ACSF3: variants seen among roughly 807,000 people sequenced by gnomAD.
The protein encoded by ACSF3 is malonate--CoA ligase ACSF3, mitochondrial.
ACSF3 carries 78 observed loss-of-function variants against 53.2 expected under a neutral mutation model. The observed-to-expected ratio is 1.47, with a 90% confidence interval of 1.22 to 1.77. The LOEUF (loss-of-function observed/expected upper bound fraction) is 1.77. Ranked by LOEUF, ACSF3 falls within the 40% of genes most tolerant of loss-of-function variation. The pLI is 0.00. For synonymous variants in ACSF3, 414 were observed against 333.1 expected, an observed-to-expected ratio of 1.24 and a Z score of -2.65; for missense variants, 937 against 771.1, an observed-to-expected ratio of 1.22 and a Z score of -2.55.
chr16:89,101,053 C>G lies in ACSF3; in HGVS notation c.372C>G (p.Pro124=). Residue 124 remains proline, a synonymous_variant, in exon 3 of 11, where the codon CCC becomes CCG. Transcript: ENST00000614302. The part of the protein sequence containing the change: ...ASWMSGGVAV[P]LYRKHPAAQL... ...GGATGAGTGGCGGTGTGGCAGTCCC[C>G]CTCTACAGGAAGCATCCCGCGGCCC... The G allele has an allele frequency of 6.2e-7, 1 of 1,614,012 alleles. No individual in the cohort carries two copies. Among genetic ancestry groups the G allele is most frequent in the Non-Finnish European group, 8.5e-7 (1 of 1,179,958 alleles).
At chr16:89,144,719 C>A (rs1388777168) in intron 8 of ACSF3, among the ~76,000 whole-genome samples, 2 of 152,206 alleles carry the variant, frequency 1.3e-5, no homozygotes, top group Non-Finnish European at 1.5e-5. Flanking sequence ...CGTCTGGGGG[C>A]CCTTGCAGCA....
intron 8 of ACSF3, among the ~76,000 whole-genome samples, chr16:89,134,648 G>C (rs911952084): frequency 6.6e-6 from 1 of 152,210 alleles, no homozygotes; most frequent in African/African-American, 2.4e-5. Flanking sequence ...GCCGTTGCCA[G>C]GTTTATATCC....
rs775166866 is a variant in ACSF3 at position 89,101,188 on chromosome 16, G to A, written c.507G>A (p.Pro169=). ...VVRKLGVPLL[P]LTPAIYTGAV... is the part of the protein sequence containing the mutation. The stretch of plus-strand genomic sequence containing the variant: ...GGAAGCTGGGGGTCCCGCTGCTGCC[G>A]CTCACACCAGCCATCTACACTGGAG... The change falls in exon 3 of 11, where the codon CCG becomes CCA. Residue 169 remains proline (P), a synonymous_variant. Coordinates refer to ENST00000614302, the MANE Select transcript of ACSF3 (RefSeq NM_001243279.3). 3 of 1,608,786 alleles carry A rather than the reference G, an allele frequency of 1.9e-6. No homozygotes were observed. The highest frequency in any genetic ancestry group is 2.2e-5 in the East Asian group (1 of 44,730).
intron 1 of ACSF3, 95 bp downstream of exon 1, chr16:89,094,091 T>C (rs1240293972): frequency 2.0e-5 from 3 of 151,072 alleles, no homozygotes; most frequent in South Asian, 4.1e-4. Context: ...GGGTCGCAGC[T>C]GGGCTTGAGC....
At chr16:89,111,357 G>GGGCTGGACTGT (rs1242734388) in intron 4 of ACSF3, among the ~76,000 whole-genome samples, 3 of 152,272 alleles carry the variant, frequency 2.0e-5, no homozygotes, top group African/African-American at 7.2e-5. Flanking sequence ...AGATGGGCTG[G>GGGCTGGACTGT]GGCTGGACTG....
At chr16:89,154,013 C>A in intron 10 of ACSF3, 77 bp from the exon 11 acceptor site, 1 of 1,468,984 alleles carries the variant, frequency 6.8e-7, no homozygotes, top group Non-Finnish European at 9.4e-7. Flanking sequence ...GGCACCTGTC[C>A]GTACTGCTGG....
chr16:89,105,830 C>T (rs550862209), intron 4 of ACSF3, among the ~76,000 whole-genome samples: 34 of 152,238 alleles, frequency 2.2e-4, no homozygotes, highest in Non-Finnish European at 3.2e-4. Context: ...TCCATCGTCC[C>T]GGAGGGCAGG....
intron 8 of ACSF3, among the ~76,000 whole-genome samples, chr16:89,142,567 A>G (rs1211032758): frequency 8.6e-6 from 1 of 116,174 alleles, no homozygotes; most frequent in Non-Finnish European, 1.8e-5. Flanking sequence ...CCACACCTGC[A>G]GACACACCCA....
intron 1 of ACSF3, chr16:89,095,263 C>T (rs1038948230): frequency 3.9e-5 from 6 of 152,158 alleles, no homozygotes; most frequent in African/African-American, 1.4e-4. Flanking sequence ...CTCCTCAAGG[C>T]AGACAGAAAT....
chr16:89,112,175 G>T lies in ACSF3; in HGVS notation c.906G>T (p.Glu302Asp), dbSNP rs1976765433. 6.9e-6 allele frequency: 9 copies of T among 1,312,860 alleles called. No individual in the cohort carries two copies. The highest frequency in any genetic ancestry group is 8.9e-6 in the Non-Finnish European group (9 of 1,014,024). 81.3% of individuals were successfully genotyped at this position (1,312,860 alleles called of 1,614,324 possible). Residue 302 changes from glutamate to aspartate, a missense_variant, in exon 5 of 11, where the codon GAG (glutamate) becomes GAT (aspartate). Transcript: ENST00000614302. Reference protein sequence around the residue: ...AVPTIYTKLMEYYDRHFTQPH... With the variant: ...AVPTIYTKLMDYYDRHFTQPH... ...CTACAATATACACCAAGCTGATGGAGTACTACGACAGGCATTTTACCCAGC... is the reference window on the plus strand; with the variant it reads ...CTACAATATACACCAAGCTGATGGATTACTACGACAGGCATTTTACCCAGC...
At chr16:89,118,677 G>A (rs559896819) in intron 6 of ACSF3, among the ~76,000 whole-genome samples, 13 of 152,222 alleles carry the variant, frequency 8.5e-5, no homozygotes, top group Admixed American at 2.6e-4. Context: ...GCTGGGCCTC[G>A]TCACACTCTA....
At chr16:89,100,616 G>C in intron 2 of ACSF3, 46 bp from the exon 3 acceptor site, 3 of 1,541,252 alleles carry the variant, frequency 1.9e-6, no homozygotes, top group Non-Finnish European at 2.6e-6. Context: ...GCCACGTTTG[G>C]ATGGGACAGT....
At chr16:89,132,371 G>A (rs548790852) in intron 7 of ACSF3, among the ~76,000 whole-genome samples, 1 of 152,310 alleles carries the variant, frequency 6.6e-6, no homozygotes, top group South Asian at 2.1e-4. Context: ...CCTATGAGCC[G>A]AGGGCTCGGC....
intron 10 of ACSF3, chr16:89,152,690 G>C (rs1267178961): frequency 1.3e-5 from 2 of 152,164 alleles, no homozygotes; most frequent in African/African-American, 4.8e-5. Context: ...TTAAATGCCT[G>C]TCATAGTTTT....
chr16:89,123,268 C>T (rs999419364), intron 7 of ACSF3, among the ~76,000 whole-genome samples: 7 of 152,238 alleles, frequency 4.6e-5, no homozygotes, highest in African/African-American at 7.2e-5. Context: ...GGTGGGTGGG[C>T]GCCCCAGGAC....
chr16:89,150,494 G>C (rs981112971), intron 10 of ACSF3: 2 of 165,430 alleles, frequency 1.2e-5, no homozygotes, highest in Admixed American at 5.9e-5. Context: ...TGCCCTCTGC[G>C]TGGGGACACC....
chr16:89,109,229 CAAAAAAAAA>C (rs773650798), intron 4 of ACSF3, among the ~76,000 whole-genome samples: 1 of 68,568 alleles, frequency 1.5e-5, no homozygotes. Context: ...AAGACTGTCT[CAAAAAAAAA>C]AAAAAAAAAA....
At chr16:89,124,611 G>A (rs968807747) in intron 7 of ACSF3, among the ~76,000 whole-genome samples, 54 of 151,616 alleles carry the variant, frequency 3.6e-4, no homozygotes, top group East Asian at 3.9e-4. Context: ...CATGCACTGC[G>A]TGTATGTGTG....
Position 89,154,241 on chromosome 16 carries a change from G to GCTCCC in ACSF3, c.*35_*36insTCCCC. On this transcript the variant is annotated 3_prime_UTR_variant, in exon 11 of 11. Transcript: ENST00000614302. The stretch of plus-strand genomic sequence containing the variant: ...ACTGGGACTGCGGGTCTGGTGGGGA[G>GCTCCC]CAGCAGACGTCCCCTTCACACCGAG... 1 of 1,593,144 alleles carries GCTCCC rather than the reference G, an allele frequency of 6.3e-7. No homozygotes were observed. The highest frequency in any genetic ancestry group is 8.6e-7 in the Non-Finnish European group (1 of 1,164,314).
Sources: allele counts gnomAD v4.1 joint callset (sites outside exome capture counted in the v4.1 genomes callset), GRCh38; gene constraint gnomAD v4.1.1; transcripts MANE v1.5; gene names NCBI Gene and HGNC (gene_info 2026-07-23, HGNC 2026-07-21).